Variants in PIEZO2 observed in about 807,000 individuals in gnomAD.
PIEZO2 encodes piezo type mechanosensitive ion channel component 2.
Under a neutral mutation model 337.3 loss-of-function variants are expected in PIEZO2, and 172 were observed. The observed-to-expected ratio is 0.51, with a 90% confidence interval of 0.45 to 0.58. The LOEUF (loss-of-function observed/expected upper bound fraction) is 0.58. Ranked by LOEUF, PIEZO2 falls within the 20% of genes least tolerant of loss-of-function variation. PIEZO2 has a pLI of 0.00. For missense variants in PIEZO2, 3,028 were observed against 3,391.3 expected (o/e 0.89, Z 2.66); for synonymous variants, 1,251 against 1,228.5 (o/e 1.02, Z -0.38).
chr18:10,892,597 C>T (rs1269418165), intron 4 of PIEZO2, among the ~76,000 whole-genome samples: 5 of 151,600 alleles, frequency 3.3e-5, no homozygotes, highest in Non-Finnish European at 7.4e-5. Flanking sequence ...TAGAACTACT[C>T]ACCTAAAATG....
At chr18:10,977,465 C>A (rs548219641) in intron 3 of PIEZO2, among the ~76,000 whole-genome samples, 18 of 152,076 alleles carry the variant, frequency 1.2e-4, no homozygotes, top group South Asian at 4.2e-4. Flanking sequence ...CCTGAGAGTA[C>A]CTTATTAAGA....
intron 3 of PIEZO2, among the ~76,000 whole-genome samples, chr18:10,947,315 C>G (rs1242529899): frequency 6.6e-6 from 1 of 152,116 alleles, no homozygotes; most frequent in Admixed American, 6.5e-5. Flanking sequence ...GAATGGGTAT[C>G]TCACCTAAAA....
At chr18:10,694,136 C>A (rs1192047132) in intron 47 of PIEZO2, among the ~76,000 whole-genome samples, 1 of 151,896 alleles carries the variant, frequency 6.6e-6, no homozygotes, top group Non-Finnish European at 1.5e-5. Flanking sequence ...TTAAAAATAT[C>A]TGCATTGTCA....
rs1486148471 is a variant in PIEZO2 at position 10,762,679 on chromosome 18, CTCAGGTTATTTCTTCT to C, written c.3124-70_3124-55del. 7.2e-6 allele frequency: 11 copies of C among 1,517,868 alleles called. No individual in the cohort carries two copies. The African/African-American group carries it at 1.5e-4, about 21-fold the overall frequency. 94.0% of individuals were successfully genotyped at this position (1,517,868 alleles called of 1,614,324 possible). A position where few individuals can be genotyped will look rare whatever the true frequency, so the allele number is the denominator to read the frequency against. Reference sequence around the variant, plus strand: ...AAAATAGCTCCACAGATTAGGAGAGCTCAGGTTATTTCTTCTTCAGCCTTGAGCAAAATGATAGTGG... The same window carrying C: ...AAAATAGCTCCACAGATTAGGAGAGCTCAGCCTTGAGCAAAATGATAGTGG... On this transcript the variant is annotated intron_variant, in intron 22 of 55. Coordinates refer to ENST00000674853, the MANE Select transcript of PIEZO2 (RefSeq NM_001378183.1).
At chr18:10,712,149 C>T (rs901960553) in intron 39 of PIEZO2, among the ~76,000 whole-genome samples, 2 of 152,222 alleles carry the variant, frequency 1.3e-5, no homozygotes, top group Non-Finnish European at 2.9e-5. Flanking sequence ...AATATCCCTT[C>T]GTTCACCCTG....
chr18:10,832,232 C>G (rs994789219), intron 7 of PIEZO2, among the ~76,000 whole-genome samples: 1 of 152,006 alleles, frequency 6.6e-6, no homozygotes, highest in African/African-American at 2.4e-5. Flanking sequence ...CAGAGTGAGA[C>G]TCTGTCTCAA....
chr18:10,932,992 G>GTT (rs2032180939), intron 3 of PIEZO2, among the ~76,000 whole-genome samples: 2 of 152,062 alleles, frequency 1.3e-5, no homozygotes, highest in African/African-American at 2.4e-5. Flanking sequence ...AGGGACTTAG[G>GTT]GAAGGGGCAT....
chr18:10,725,928 A>C (rs376546736), intron 36 of PIEZO2, among the ~76,000 whole-genome samples: 1 of 152,048 alleles, frequency 6.6e-6, no homozygotes, highest in African/African-American at 2.4e-5. Flanking sequence ...ACTAACCACT[A>C]TTTCTATCTG....
At chr18:10,884,001 C>T (rs565720298) in intron 4 of PIEZO2, among the ~76,000 whole-genome samples, 3 of 151,958 alleles carry the variant, frequency 2.0e-5, no homozygotes, top group African/African-American at 4.8e-5. Context: ...TTAGTAGATA[C>T]GGGGTTTCAC....
Position 10,910,456 on chromosome 18 carries a change from G to A in PIEZO2, c.329+730C>T, listed in dbSNP as rs117815308. On this transcript the variant is annotated intron_variant, in intron 4 of 55. Coordinates refer to ENST00000674853, the MANE Select transcript of PIEZO2 (RefSeq NM_001378183.1). ...AAATAAGCTGGGTGTGGTGGTGGGC[G>A]CCTGAGATCCCAGCTACTTGGGAGG... Among the ~76,000 whole-genome samples, 350 of 152,190 alleles carry A rather than the reference G, an allele frequency of 2.3e-3. 9 individuals carry two copies. The East Asian group carries it at 0.05, about 22-fold the overall frequency.
intron 4 of PIEZO2, among the ~76,000 whole-genome samples, chr18:10,885,383 A>G (rs2042548921): frequency 6.6e-6 from 1 of 152,050 alleles, no homozygotes; most frequent in South Asian, 2.1e-4. Flanking sequence ...GAGATTGAGC[A>G]ACTGCACTCC....
In PIEZO2 at chr18:11,083,870, T is replaced by C. The variant is rs751743145; in HGVS notation, c.65-17648A>G. ...TAGTCAATTTTAATTAAATAATCGA[T>C]CAATTCAATTAAGAGAAAGGAGAGG... On this transcript the variant is annotated intron_variant, in intron 1 of 55. Transcript: ENST00000674853. The surrounding 1 kb of genome is among the most constrained non-coding windows in gnomAD (Gnocchi z 4.4). Among the ~76,000 whole-genome samples the C allele has an allele frequency of 3.3e-5, 5 of 152,054 alleles. No homozygotes were observed. The highest frequency in any genetic ancestry group is 5.9e-5 in the Non-Finnish European group (4 of 68,022).
At chr18:10,843,185 A>C (rs114516086) in intron 7 of PIEZO2, among the ~76,000 whole-genome samples, 1,696 of 152,286 alleles carry the variant, frequency 0.011, 37 homozygotes, top group African/African-American at 0.039. Flanking sequence ...AAAATACAGA[A>C]CATGGATGAG....
chr18:10,777,087 C>A (rs1445505759), intron 18 of PIEZO2, among the ~76,000 whole-genome samples: 1 of 152,150 alleles, frequency 6.6e-6, no homozygotes, highest in Non-Finnish European at 1.5e-5. Context: ...CCGGAGAAGC[C>A]CCCTCCTCCA....
intron 2 of PIEZO2, among the ~76,000 whole-genome samples, chr18:10,996,956 T>A (rs961593217): frequency 6.6e-6 from 1 of 151,888 alleles, no homozygotes; most frequent in African/African-American, 2.4e-5. Flanking sequence ...AAAGGAAAAA[T>A]CCTTATGAGA....
intron 1 of PIEZO2, among the ~76,000 whole-genome samples, chr18:11,085,276 C>T (rs941032010): frequency 3.9e-5 from 6 of 152,164 alleles, no homozygotes; most frequent in African/African-American, 1.2e-4. Flanking sequence ...CCAACCCCAG[C>T]TACCTGGCCC....
In PIEZO2 at chr18:10,670,738, C is replaced by T. The variant is rs2033733450; in HGVS notation, c.*789G>A. The T allele has an allele frequency of 6.6e-6, 1 of 152,616 alleles. No homozygotes were observed. Among genetic ancestry groups the T allele is most frequent in the African/African-American group, 2.4e-5 (1 of 41,448 alleles). The allele number at this position is 152,616 out of a possible 1,614,324, so 9.5% of individuals were successfully genotyped here. On this transcript the variant is annotated 3_prime_UTR_variant, in exon 56 of 56. Transcript: ENST00000674853. The stretch of plus-strand genomic sequence containing the variant: ...CCACTGGGTTGGTCTTTTTACTCTT[C>T]TGCCTCATGTCTGTTTGCACAGGAG...
chr18:11,010,828 A>C (rs901725262), intron 2 of PIEZO2, among the ~76,000 whole-genome samples: 1 of 152,224 alleles, frequency 6.6e-6, no homozygotes, highest in South Asian at 2.1e-4. Flanking sequence ...TAGCCCAGAG[A>C]ATTACATGGC....
intron 43 of PIEZO2, among the ~76,000 whole-genome samples, chr18:10,700,988 C>T (rs983809824): frequency 2.0e-5 from 3 of 152,132 alleles, no homozygotes; most frequent in South Asian, 2.1e-4. Flanking sequence ...TCAGATGAAA[C>T]CGAGTTTGAA....
Sources: allele counts gnomAD v4.1 joint callset (sites outside exome capture counted in the v4.1 genomes callset), GRCh38; gene constraint gnomAD v4.1.1; non-coding constraint Gnocchi (gnomAD v3.1); transcripts MANE v1.5; gene names NCBI Gene and HGNC (gene_info 2026-07-23, HGNC 2026-07-21).